Variants in SLC17A8 observed in about 807,000 individuals in gnomAD.
SLC17A8 encodes the protein solute carrier family 17 member 8, also known as vesicular glutamate transporter 3.
SLC17A8 carries 31 observed loss-of-function variants against 58.0 expected under a neutral mutation model. The observed-to-expected ratio is 0.53, with a 90% CI of 0.40 to 0.72. The LOEUF is 0.72. SLC17A8 is among the 30% of genes least tolerant of loss of function. The pLI is 0.00. For missense variants in SLC17A8, 655 were observed against 727.8 expected (o/e 0.90, Z 1.15); for synonymous variants, 228 against 249.0 (o/e 0.92, Z 0.79).
intron 1 of SLC17A8, among the ~76,000 whole-genome samples, chr12:100,368,879 G>A (rs1382352659): frequency 6.6e-6 from 1 of 152,166 alleles, no homozygotes; most frequent in African/African-American, 2.4e-5. Flanking sequence ...CATAGAAATA[G>A]GCTCCACTTC....
At chr12:100,380,568 C>A in intron 1 of SLC17A8, 133 bp from the exon 2 acceptor site, 1 of 706,536 alleles carries the variant, frequency 1.4e-6, no homozygotes, top group South Asian at 2.0e-5. Flanking sequence ...AATAGTAATA[C>A]CTCCATAGTA....
At chr12:100,377,777 C>T (rs145213967) in intron 1 of SLC17A8, among the ~76,000 whole-genome samples, 1,677 of 151,752 alleles carry the variant, frequency 0.011, 28 homozygotes, top group African/African-American at 0.039. Flanking sequence ...TTAGTAGAGA[C>T]GGAGTTTGCC....
chr12:100,398,920 G>A lies in SLC17A8; in HGVS notation c.676+2503G>A, dbSNP rs137985011. 4.3e-4 allele frequency among the ~76,000 whole-genome samples: 66 copies of A among 152,206 alleles called. No homozygotes were observed. The East Asian group carries it at 0.012, about 27-fold the overall frequency. ...TCTCTCTTTGCTTGCCGCCATCCACGTAAGATGTGACTTGCTCTTCTATGC... is the reference window on the plus strand; with the variant it reads ...TCTCTCTTTGCTTGCCGCCATCCACATAAGATGTGACTTGCTCTTCTATGC... On this transcript the variant is annotated intron_variant, in intron 5 of 11. Coordinates refer to ENST00000323346, the MANE Select transcript of SLC17A8 (RefSeq NM_139319.3).
chr12:100,375,147 T>C (rs916248648), intron 1 of SLC17A8, among the ~76,000 whole-genome samples: 17 of 149,490 alleles, frequency 1.1e-4, no homozygotes, highest in East Asian at 2.0e-4. Context: ...ATACGAGATA[T>C]GGTCTCGCTC....
chr12:100,370,719 T>A (rs11110352), intron 1 of SLC17A8, among the ~76,000 whole-genome samples: 88,058 of 152,016 alleles, frequency 0.58, 26,620 homozygotes, highest in East Asian at 0.99. Context: ...GCTTGTCATC[T>A]GTGACTTAGG....
In SLC17A8 at chr12:100,392,980, G is replaced by A. The variant is rs185625345; in HGVS notation, c.474-389G>A. Reference sequence around the variant, plus strand: ...ACTTTTCAGGACATCATCCAGGCAGGACATCCCTGTGCCACCAAAAATTTG... The same window carrying A: ...ACTTTTCAGGACATCATCCAGGCAGAACATCCCTGTGCCACCAAAAATTTG... On this transcript the variant is annotated intron_variant, in intron 3 of 11. Coordinates refer to ENST00000323346, the MANE Select transcript of SLC17A8 (RefSeq NM_139319.3). 3.9e-5 allele frequency among the ~76,000 whole-genome samples: 6 copies of A among 152,270 alleles called. No individual in the cohort carries two copies. In the East Asian group the frequency reaches 9.7e-4, roughly 25 times the overall value.
chr12:100,358,033 A>G (rs1952460442), intron 1 of SLC17A8, among the ~76,000 whole-genome samples: 1 of 152,340 alleles, frequency 6.6e-6, no homozygotes, highest in South Asian at 2.1e-4. Flanking sequence ...AAAATCTCAC[A>G]TAATTGCAGT....
At chr12:100,412,936 A>G (rs1266690628) in intron 10 of SLC17A8, 56 bp downstream of exon 10, 4 of 1,353,346 alleles carry the variant, frequency 3.0e-6, no homozygotes, top group Non-Finnish European at 4.2e-6. Context: ...AGTCCCAGGA[A>G]GAAGGAAGGA....
rs139180218 is a variant in SLC17A8, at chr12:100,377,212, G to C, written c.102-3489G>C. The stretch of plus-strand genomic sequence containing the variant: ...CATTATAAAGTCCTATCATCCAACT[G>C]CCTCTCAGAGCTAATGGCATCAATG... On this transcript the variant is annotated intron_variant, in intron 1 of 11. Transcript: ENST00000323346. 8.1e-3 allele frequency among the ~76,000 whole-genome samples: 1,240 copies of C among 152,226 alleles called. 22 individuals carry two copies. The highest frequency in any genetic ancestry group is 0.029 in the African/African-American group (1,200 of 41,526).
intron 5 of SLC17A8, among the ~76,000 whole-genome samples, chr12:100,398,903 TGC>T (rs2136001934): frequency 6.6e-6 from 1 of 152,282 alleles, no homozygotes; most frequent in South Asian, 2.1e-4. Context: ...GCTCTCTCTT[TGC>T]TTGCCGCCAT....
At chr12:100,380,557 T>C in intron 1 of SLC17A8, 144 bp from the exon 2 acceptor site, 2 of 516,578 alleles carry the variant, frequency 3.9e-6, no homozygotes, top group Non-Finnish European at 6.3e-6. Flanking sequence ...ACTTTAATAA[T>C]AATAGTAATA....
intron 2 of SLC17A8, among the ~76,000 whole-genome samples, chr12:100,382,796 T>G (rs562329897): frequency 1.3e-5 from 2 of 152,366 alleles, no homozygotes; most frequent in African/African-American, 4.8e-5. Context: ...TAGCATCATC[T>G]GGCACAGTCT....
At chr12:100,380,106 A>G (rs924789826) in intron 1 of SLC17A8, among the ~76,000 whole-genome samples, 1 of 151,426 alleles carries the variant, frequency 6.6e-6, no homozygotes, top group Non-Finnish European at 1.5e-5. Context: ...GGCTGATGTG[A>G]GAGAATCGCT....
At chr12:100,373,900 CTATT>C (rs1248285106) in intron 1 of SLC17A8, among the ~76,000 whole-genome samples, 2 of 152,040 alleles carry the variant, frequency 1.3e-5, no homozygotes, top group Non-Finnish European at 2.9e-5. Flanking sequence ...AAATCAGTGG[CTATT>C]TACTTAGCAC....
intron 2 of SLC17A8, among the ~76,000 whole-genome samples, chr12:100,387,338 C>A (rs963503365): frequency 2.0e-5 from 3 of 152,134 alleles, no homozygotes; most frequent in African/African-American, 7.2e-5. Flanking sequence ...ATTTGCATTT[C>A]CCTGATGGTT....
At chr12:100,387,460 A>C (rs1377100143) in intron 2 of SLC17A8, among the ~76,000 whole-genome samples, 2 of 152,228 alleles carry the variant, frequency 1.3e-5, no homozygotes, top group Admixed American at 6.5e-5. Context: ...GTCTCAAATG[A>C]CAATGAAAGT....
intron 2 of SLC17A8, among the ~76,000 whole-genome samples, chr12:100,381,590 G>GAT (rs1321142020): frequency 6.6e-6 from 1 of 151,194 alleles, no homozygotes; most frequent in Non-Finnish European, 1.5e-5. Flanking sequence ...GAGAGAGAGA[G>GAT]AACGTACACA....
chr12:100,360,901 C>T (rs572653318), intron 1 of SLC17A8, among the ~76,000 whole-genome samples: 1 of 152,302 alleles, frequency 6.6e-6, no homozygotes, highest in East Asian at 1.9e-4. Flanking sequence ...TGAAGGCTTT[C>T]TCCAAGGGAG....
At chr12:100,371,168 A>G (rs886803778) in intron 1 of SLC17A8, among the ~76,000 whole-genome samples, 2 of 152,214 alleles carry the variant, frequency 1.3e-5, no homozygotes, top group African/African-American at 4.8e-5. Flanking sequence ...TTATTTATCA[A>G]GTGCCAGGAA....
Sources: gnomAD v4.1 joint callset for allele counts (sites outside exome capture counted in the v4.1 genomes callset) on GRCh38, gnomAD v4.1.1 for gene constraint, MANE v1.5 for transcripts, NCBI Gene and HGNC (gene_info 2026-07-23, HGNC 2026-07-21) for gene names.